The following WDPCP variants were observed in gnomAD, a reference collection of about 807,000 sequenced individuals.
The protein encoded by WDPCP is WD repeat-containing and planar cell polarity effector protein fritz homolog.
WDPCP carries 71 observed loss-of-function variants against 93.1 expected under a neutral mutation model. The ratio of observed to expected loss-of-function variants is 0.76; its 90% CI spans 0.63 to 0.93. The LOEUF is 0.93. Among genes scored for constraint, WDPCP ranks in the 40% least tolerant of loss-of-function variants. WDPCP has a pLI of 0.00. For synonymous variants in WDPCP, 315 were observed against 315.0 expected, an observed-to-expected ratio of 1.00 and a Z score of 0.00; for missense variants, 844 against 887.4, an observed-to-expected ratio of 0.95 and a Z score of 0.62.
At chr2:63,224,463 A>G (rs193020202) in intron 14 of WDPCP, among the ~76,000 whole-genome samples, 69 of 152,236 alleles carry the variant, frequency 4.5e-4, no homozygotes, top group African/African-American at 1.6e-3. Context: ...AGCTTTATTC[A>G]TAACTGCCAG....
At chr2:63,421,144 G>T (rs944898809) in intron 9 of WDPCP, among the ~76,000 whole-genome samples, 1 of 152,042 alleles carries the variant, frequency 6.6e-6, no homozygotes, top group African/African-American at 2.4e-5. Flanking sequence ...GTTTTCAAAT[G>T]GATACCTCTC....
intron 17 of WDPCP, among the ~76,000 whole-genome samples, chr2:63,149,984 G>C (rs2103795116): frequency 6.6e-6 from 1 of 152,140 alleles, no homozygotes; most frequent in East Asian, 1.9e-4. Context: ...CTGGGTGACA[G>C]AGTGAGACTC....
At chr2:63,776,024 A>G (rs1051570855) in intron 2 of WDPCP, among the ~76,000 whole-genome samples, 1 of 152,018 alleles carries the variant, frequency 6.6e-6, no homozygotes, top group Non-Finnish European at 1.5e-5. Flanking sequence ...TGATTGCACC[A>G]CTGCACTCCA....
At chr2:63,740,539 T>C (rs1311869466) in intron 2 of WDPCP, among the ~76,000 whole-genome samples, 1 of 152,092 alleles carries the variant, frequency 6.6e-6, no homozygotes, top group Non-Finnish European at 1.5e-5. Flanking sequence ...GTGAATTTGC[T>C]GTCTAAGTGA....
chr2:63,481,230 A>T (rs186460798), intron 6 of WDPCP, among the ~76,000 whole-genome samples: 13 of 152,122 alleles, frequency 8.5e-5, no homozygotes, highest in Non-Finnish European at 1.9e-4. Context: ...TAATCAAAAA[A>T]TAAAAATAAT....
chr2:63,470,926 G>A (rs772160040), intron 6 of WDPCP, among the ~76,000 whole-genome samples: 6 of 152,046 alleles, frequency 3.9e-5, no homozygotes, highest in Non-Finnish European at 7.4e-5. Flanking sequence ...ACGCTCTTCC[G>A]CAGGTATCTT....
chr2:63,693,395 C>G (rs1668915896), intron 2 of WDPCP, among the ~76,000 whole-genome samples: 1 of 151,196 alleles, frequency 6.6e-6, no homozygotes, highest in South Asian at 2.1e-4. Context: ...AAAATATAAC[C>G]AAGCAAAAGA....
At chr2:63,454,921 G>A (rs1368051904) in intron 6 of WDPCP, among the ~76,000 whole-genome samples, 1 of 152,064 alleles carries the variant, frequency 6.6e-6, no homozygotes, top group Non-Finnish European at 1.5e-5. Flanking sequence ...ATTGCTGAAA[G>A]AAAAATATAA....
intron 3 of WDPCP, among the ~76,000 whole-genome samples, chr2:63,633,834 G>T (rs1006929221): frequency 3.3e-5 from 5 of 152,168 alleles, no homozygotes; most frequent in Admixed American, 6.5e-5. Flanking sequence ...GGCCAAGGCG[G>T]GTGGATCACT....
intron 17 of WDPCP, among the ~76,000 whole-genome samples, chr2:63,139,675 C>A (rs574311721): frequency 6.6e-6 from 1 of 151,852 alleles, no homozygotes; most frequent in South Asian, 2.1e-4. Flanking sequence ...TTGTTTTTTT[C>A]TTACTGATTT....
chr2:63,820,740 T>A (rs756836027), intron 1 of WDPCP, among the ~76,000 whole-genome samples: 1 of 152,146 alleles, frequency 6.6e-6, no homozygotes, highest in Non-Finnish European at 1.5e-5. Flanking sequence ...AAACTTAATA[T>A]TTGTATCTTA....
intron 1 of WDPCP, among the ~76,000 whole-genome samples, chr2:63,531,743 A>C (rs1288632841): frequency 6.6e-6 from 1 of 152,222 alleles, no homozygotes; most frequent in Non-Finnish European, 1.5e-5. Flanking sequence ...ATAAAACCAC[A>C]AAGATGGGGG....
intron 2 of WDPCP, among the ~76,000 whole-genome samples, chr2:63,798,890 C>T (rs1352745632): frequency 6.6e-6 from 1 of 152,078 alleles, no homozygotes; most frequent in African/African-American, 2.4e-5. Context: ...CAATATATTC[C>T]ATGCCAATTA....
chr2:63,513,096 T>C (rs1217973766), intron 1 of WDPCP, among the ~76,000 whole-genome samples: 2 of 152,180 alleles, frequency 1.3e-5, no homozygotes, highest in East Asian at 3.9e-4. Context: ...TACAGAGTAA[T>C]AGAGGCCTGA....
chr2:63,202,624 G>A (rs1676001509), intron 14 of WDPCP, among the ~76,000 whole-genome samples: 1 of 152,112 alleles, frequency 6.6e-6, no homozygotes, highest in Non-Finnish European at 1.5e-5. Flanking sequence ...TCTGCTTAAT[G>A]AAAGCTGTTG....
chr2:63,641,444 C>A (rs67037366), intron 3 of WDPCP, among the ~76,000 whole-genome samples: 29,748 of 152,072 alleles, frequency 0.2, 3,119 homozygotes, highest in Middle Eastern at 0.28. Context: ...CACATCCTTG[C>A]CAGCATTTCT....
chr2:63,532,087 C>T (rs900594554), intron 1 of WDPCP, among the ~76,000 whole-genome samples: 6 of 151,936 alleles, frequency 3.9e-5, no homozygotes, highest in African/African-American at 1.5e-4. Flanking sequence ...GTAGCCTATT[C>T]CATCAAGTGG....
intron 12 of WDPCP, among the ~76,000 whole-genome samples, chr2:63,337,848 AT>A (rs562579069): frequency 3.3e-5 from 5 of 151,738 alleles, no homozygotes; most frequent in Admixed American, 2.6e-4. Context: ...AAAAAATAGG[AT>A]TTTTTTTGCT....
intron 14 of WDPCP, among the ~76,000 whole-genome samples, chr2:63,226,061 C>A (rs890765344): frequency 6.6e-6 from 1 of 151,842 alleles, no homozygotes; most frequent in Non-Finnish European, 1.5e-5. Flanking sequence ...TCTTCCAAAG[C>A]AAATCTTGTT....
Sources: gnomAD v4.1 joint callset for allele counts (sites outside exome capture counted in the v4.1 genomes callset) on GRCh38, gnomAD v4.1.1 for gene constraint, MANE v1.5 for transcripts, NCBI Gene and HGNC (gene_info 2026-07-23, HGNC 2026-07-21) for gene names.